The following DCT variants were observed in gnomAD, a reference collection of about 807,000 sequenced individuals.
The protein encoded by DCT is dopachrome tautomerase.
DCT carries 47 observed loss-of-function variants against 53.0 expected under a neutral mutation model. The ratio of observed to expected loss-of-function variants is 0.89; its 90% CI spans 0.70 to 1.13. DCT has a LOEUF of 1.13. DCT is among the 50% of genes most tolerant of loss of function. The pLI is 0.00. For synonymous variants in DCT, 244 were observed against 237.0 expected (o/e 1.03, Z -0.27); for missense variants, 669 against 637.4 (o/e 1.05, Z -0.53).
the DCT span, among the ~76,000 whole-genome samples, chr13:94,495,123 G>T: frequency 2.0e-5 from 3 of 152,116 alleles, no homozygotes; most frequent in East Asian, 1.9e-4. Context: ...TTAAAACAGG[G>T]TCTGGCTCTG....
At chr13:94,537,553 C>G in the DCT span, among the ~76,000 whole-genome samples, 1 of 152,190 alleles carries the variant, frequency 6.6e-6, no homozygotes, top group Admixed American at 6.5e-5. Context: ...CAAAGACTTA[C>G]AGCTTCCTGC....
chr13:94,531,768 A>G, the DCT span, among the ~76,000 whole-genome samples: 1 of 152,246 alleles, frequency 6.6e-6, no homozygotes, highest in African/African-American at 2.4e-5. Context: ...AAGCAATGGC[A>G]ACAAAAGCCA....
the DCT span, among the ~76,000 whole-genome samples, chr13:94,528,907 A>G: frequency 1.3e-5 from 2 of 152,356 alleles, no homozygotes; most frequent in South Asian, 4.1e-4. Context: ...TCTCATGTGC[A>G]AAGATGCACA....
At chr13:94,469,700 C>T (rs1266301240) in intron 1 of DCT, among the ~76,000 whole-genome samples, 1 of 152,130 alleles carries the variant, frequency 6.6e-6, no homozygotes, top group Non-Finnish European at 1.5e-5. Flanking sequence ...GTCCACTCCA[C>T]GCCCACAAAA....
the DCT span, among the ~76,000 whole-genome samples, chr13:94,532,819 G>A: frequency 6.6e-6 from 1 of 152,098 alleles, no homozygotes; most frequent in African/African-American, 2.4e-5. Context: ...GGCAATCCTT[G>A]AAAAGGGGGC....
chr13:94,504,228 A>G, the DCT span, among the ~76,000 whole-genome samples: 16 of 152,348 alleles, frequency 1.1e-4, no homozygotes, highest in African/African-American at 2.2e-4. Flanking sequence ...CAATGCTTCA[A>G]TATGTTTGCA....
chr13:94,497,847 C>T, the DCT span, among the ~76,000 whole-genome samples: 2 of 151,528 alleles, frequency 1.3e-5, no homozygotes, highest in African/African-American at 4.9e-5. Context: ...CTGTGCAGTT[C>T]AAACCCATGT....
chr13:94,483,809 G>A (rs1367387573), upstream of DCT, among the ~76,000 whole-genome samples: 1 of 152,074 alleles, frequency 6.6e-6, no homozygotes, highest in Non-Finnish European at 1.5e-5. Context: ...CGGCCCATAT[G>A]ACTTAGTTTT....
At chr13:94,542,352 C>T in the DCT span, among the ~76,000 whole-genome samples, 1 of 152,140 alleles carries the variant, frequency 6.6e-6, no homozygotes, top group Non-Finnish European at 1.5e-5. Context: ...CCATGACCAG[C>T]TAATTTTTGT....
chr13:94,545,866 G>C, the DCT span, among the ~76,000 whole-genome samples: 1 of 151,884 alleles, frequency 6.6e-6, no homozygotes, highest in Admixed American at 6.6e-5. Flanking sequence ...ACAGGTGGAG[G>C]CCTGGCCTAA....
the DCT span, among the ~76,000 whole-genome samples, chr13:94,500,229 A>G: frequency 6.6e-6 from 1 of 152,182 alleles, no homozygotes; most frequent in Admixed American, 6.5e-5. Flanking sequence ...ACAAAGACAT[A>G]GCCGAGACTG....
chr13:94,469,704 C>T (rs1241058890), intron 1 of DCT, among the ~76,000 whole-genome samples: 1 of 152,114 alleles, frequency 6.6e-6, no homozygotes. Context: ...ACTCCACGCC[C>T]ACAAAAAGGG....
intron 6 of DCT, chr13:94,445,877 G>A: frequency 3.0e-6 from 2 of 664,496 alleles, no homozygotes; most frequent in South Asian, 1.8e-5. Flanking sequence ...AGGCAGGGGA[G>A]AAACTGTGGG....
chr13:94,481,477 T>C (rs1227774159), upstream of DCT, among the ~76,000 whole-genome samples: 1 of 152,214 alleles, frequency 6.6e-6, no homozygotes, highest in African/African-American at 2.4e-5. Context: ...GGGAATTTTA[T>C]TCCAGGTTTT....
chr13:94,442,325 G>A (rs1396530027), intron 7 of DCT, among the ~76,000 whole-genome samples: 2 of 151,760 alleles, frequency 1.3e-5, no homozygotes, highest in African/African-American at 4.8e-5. Context: ...GGGTTTTTTT[G>A]AAACAGGGTC....
At chr13:94,457,160 C>G (rs1002191387) in intron 6 of DCT, among the ~76,000 whole-genome samples, 1 of 152,146 alleles carries the variant, frequency 6.6e-6, no homozygotes, top group African/African-American at 2.4e-5. Context: ...AAACAAACTT[C>G]TATAAACTGA....
the DCT span, among the ~76,000 whole-genome samples, chr13:94,488,496 C>G: frequency 6.6e-6 from 1 of 152,064 alleles, no homozygotes; most frequent in South Asian, 2.1e-4. Flanking sequence ...AGGAGGATCA[C>G]TTGAGCTCAG....
the DCT span, among the ~76,000 whole-genome samples, chr13:94,499,933 G>C: frequency 2.0e-5 from 3 of 152,146 alleles, no homozygotes; most frequent in East Asian, 5.8e-4. Context: ...ACAATAGGAA[G>C]TTTTAATATA....
the DCT span, among the ~76,000 whole-genome samples, chr13:94,490,521 A>AAAAC: frequency 2.7e-5 from 4 of 147,496 alleles, no homozygotes; most frequent in Non-Finnish European, 6.0e-5. Flanking sequence ...AAAAAAAAAA[A>AAAAC]AAAAAAAAAA....
Sources: gnomAD v4.1 joint callset for allele counts (sites outside exome capture counted in the v4.1 genomes callset) on GRCh38, gnomAD v4.1.1 for gene constraint, MANE v1.5 for transcripts, NCBI Gene and HGNC (gene_info 2026-07-23, HGNC 2026-07-21) for gene names.